CLN6: variants seen among roughly 807,000 people sequenced by gnomAD.
The protein encoded by CLN6 is ceroid-lipofuscinosis neuronal protein 6.
In CLN6, 22 loss-of-function variants were observed where a neutral mutation model predicts 33.3. The ratio of observed to expected loss-of-function variants is 0.66; its 90% CI spans 0.47 to 0.94. CLN6 has a LOEUF of 0.94. Among genes scored for constraint, CLN6 ranks in the 40% least tolerant of loss-of-function variants. CLN6 has a pLI of 0.00. For synonymous variants in CLN6, 201 were observed against 174.6 expected, an observed-to-expected ratio of 1.15 and a Z score of -1.19; for missense variants, 387 against 417.1, an observed-to-expected ratio of 0.93 and a Z score of 0.63.
At chr15:68,245,215 T>G (rs1178823834) in intron 1 of CLN6, among the ~76,000 whole-genome samples, 2 of 151,358 alleles carry the variant, frequency 1.3e-5, no homozygotes, top group African/African-American at 4.9e-5. Flanking sequence ...AGTTATCGGT[T>G]TTTTTGTAAG....
intron 1 of CLN6, 128 bp from the exon 2 acceptor site, chr15:68,218,778 G>C (rs1317488976): frequency 1.4e-6 from 1 of 698,700 alleles, no homozygotes; most frequent in Non-Finnish European, 2.6e-6. Context: ...TGAGTTCTAT[G>C]GATAGGGTTT....
rs879441146 is a variant in CLN6 at position 68,241,515 on chromosome 15, T to C, written c.179+15175A>G. On this transcript the variant is annotated intron_variant, in intron 1 of 6. Coordinates refer to the CLN6 transcript ENST00000538696. The surrounding 1 kb of genome is among the most constrained non-coding windows in gnomAD (Gnocchi z 4.2). ...GGTGGACGACTAGCTTTTCCACCATTGTGGGTTTCCTGGCAGGAGACCTTG... is the reference window on the plus strand; with the variant it reads ...GGTGGACGACTAGCTTTTCCACCATCGTGGGTTTCCTGGCAGGAGACCTTG... Among the ~76,000 whole-genome samples the C allele has an allele frequency of 2.6e-5, 4 of 152,164 alleles. No individual in the cohort carries two copies. The highest frequency in any genetic ancestry group is 4.4e-5 in the Non-Finnish European group (3 of 68,030).
chr15:68,237,573 T>C (rs1320134667), intron 1 of CLN6, among the ~76,000 whole-genome samples: 1 of 152,146 alleles, frequency 6.6e-6, no homozygotes, highest in African/African-American at 2.4e-5. Flanking sequence ...AGTAGTGAAT[T>C]GGTAAACCAA....
intron 1 of CLN6, among the ~76,000 whole-genome samples, chr15:68,238,528 C>G (rs2141161203): frequency 6.6e-6 from 1 of 152,186 alleles, no homozygotes; most frequent in East Asian, 1.9e-4. Flanking sequence ...GAAACAAAAA[C>G]TATATGGTGG....
At chr15:68,255,536 A>G (rs1207083117) in intron 1 of CLN6, among the ~76,000 whole-genome samples, 1 of 152,154 alleles carries the variant, frequency 6.6e-6, no homozygotes, top group Non-Finnish European at 1.5e-5. Flanking sequence ...TTCCCTGTTC[A>G]GAGCATCAGA....
chr15:68,247,081 G>C lies in CLN6; in HGVS notation c.179+9609C>G, dbSNP rs1361809483. On this transcript the variant is annotated intron_variant, in intron 1 of 6. Transcript: ENST00000538696. The surrounding 1 kb of genome is among the most constrained non-coding windows in gnomAD (Gnocchi z 4.2). ...TGAGGCAGGAGAATTGCTTGAAACTGGGAGGTGTTCTAAGCTCTGGAACAA... is the reference window on the plus strand; with the variant it reads ...TGAGGCAGGAGAATTGCTTGAAACTCGGAGGTGTTCTAAGCTCTGGAACAA... Among the ~76,000 whole-genome samples the C allele has an allele frequency of 6.6e-6, 1 of 152,044 alleles. No individual in the cohort carries two copies. The highest frequency in any genetic ancestry group is 2.4e-5 in the African/African-American group (1 of 41,354).
Position 68,218,634 on chromosome 15 carries a change from C to T in CLN6, c.100G>A (p.Ala34Thr), listed in dbSNP as rs146198681. ...GGAGCCGTGCGGGCAGCCTCATCAG[C>T]GCTCACAGAGCCATGCCTGGGAAGG... The part of the protein sequence containing the change: ...FLQARHGSVS[A>T]DEAARTAPFH... Residue 34 changes from alanine to threonine, a missense_variant, in exon 2 of 7, where the codon GCT becomes ACT. By Grantham distance (58) the Ala-to-Thr change is moderately conservative. Coordinates refer to ENST00000249806, the MANE Select transcript of CLN6 (RefSeq NM_017882.3). 408 of 1,613,306 alleles carry T rather than the reference C, an allele frequency of 2.5e-4. 1 individual carries two copies. The highest frequency in any genetic ancestry group is 3.2e-4 in the Non-Finnish European group (383 of 1,179,644).
chr15:68,250,051 G>A (rs965960108), intron 1 of CLN6, among the ~76,000 whole-genome samples: 2 of 152,090 alleles, frequency 1.3e-5, no homozygotes, highest in African/African-American at 4.8e-5. Context: ...GATTAGAGGC[G>A]TGAGTCACTG....
chr15:68,225,810 TA>T (rs1346903641), intron 1 of CLN6, among the ~76,000 whole-genome samples: 1 of 151,590 alleles, frequency 6.6e-6, no homozygotes, highest in African/African-American at 2.4e-5. Flanking sequence ...TCATCTCTAC[TA>T]AAAATACAAA....
Position 68,229,633 on chromosome 15 carries a change from T to C in CLN6, c.-49A>G. Reference sequence around the variant, plus strand: ...CCTGCCTTTCCGAGGAAGAGACCGGTTCAGCTCGGCTGCCCCGGCGGAGGC... The same window carrying C: ...CCTGCCTTTCCGAGGAAGAGACCGGCTCAGCTCGGCTGCCCCGGCGGAGGC... On this transcript the variant is annotated 5_prime_UTR_variant, in exon 1 of 7. Transcript: ENST00000249806. The C allele has an allele frequency of 7.2e-7, 1 of 1,388,214 alleles. No homozygotes were observed. Among genetic ancestry groups the C allele is most frequent in the Non-Finnish European group, 9.4e-7 (1 of 1,061,170 alleles). The allele number at this position is 1,388,214 out of a possible 1,614,324, so 86.0% of individuals were successfully genotyped here.
Position 68,211,166 on chromosome 15 carries a change from G to C in CLN6, c.542+97C>G, listed in dbSNP as rs527625010. On this transcript the variant is annotated intron_variant, in intron 5 of 6. Transcript: ENST00000249806. The surrounding 1 kb of genome is among the most constrained non-coding windows in gnomAD (Gnocchi z 5.9). ...GATGAGACTCAACACATGGAGACCC[G>C]CAGCCCAGACAGCCTTGCTCAGTGT... 12 of 1,035,594 alleles carry C rather than the reference G, an allele frequency of 1.2e-5. No homozygotes were observed. The South Asian group carries it at 1.4e-4, about 12-fold the overall frequency. 64.2% of individuals were successfully genotyped at this position (1,035,594 alleles called of 1,614,324 possible).
intron 1 of CLN6, among the ~76,000 whole-genome samples, chr15:68,253,167 A>G (rs1186011892): frequency 1.3e-5 from 2 of 152,214 alleles, no homozygotes; most frequent in African/African-American, 4.8e-5. Flanking sequence ...GTAAATGGAC[A>G]TGTACCTAAT....
chr15:68,242,070 T>C lies in CLN6; in HGVS notation c.179+14620A>G, dbSNP rs912623062. On this transcript the variant is annotated intron_variant, in intron 1 of 6. Coordinates refer to the CLN6 transcript ENST00000538696. The surrounding 1 kb of genome is among the most constrained non-coding windows in gnomAD (Gnocchi z 5.0). ...AGAAATAACAGGAAACAGGAAACCA[T>C]GGGCACCCCAAACAGACAAAGCATG... is the stretch of plus-strand genomic sequence containing the variant. Among the ~76,000 whole-genome samples the C allele has an allele frequency of 3.9e-5, 6 of 152,030 alleles. No individual in the cohort carries two copies. Among genetic ancestry groups the C allele is most frequent in the Non-Finnish European group, 8.8e-5 (6 of 68,008 alleles).
chr15:68,226,969 T>G lies in CLN6; in HGVS notation c.83+2533A>C, dbSNP rs184565320. ...AAGAGTGGGACAGGGATTACTACTT[T>G]TTAAAACTTGAAGCCTTTGCTATTT... is the stretch of plus-strand genomic sequence containing the variant. On this transcript the variant is annotated intron_variant, in intron 1 of 6. Coordinates refer to ENST00000249806, the MANE Select transcript of CLN6 (RefSeq NM_017882.3). Among the ~76,000 whole-genome samples the G allele has an allele frequency of 1.9e-3, 289 of 152,330 alleles. 1 individual carries two copies. The highest frequency in any genetic ancestry group is 6.7e-3 in the African/African-American group (280 of 41,580).
At chr15:68,221,088 T>G (rs1368107977) in intron 1 of CLN6, among the ~76,000 whole-genome samples, 1 of 151,894 alleles carries the variant, frequency 6.6e-6, no homozygotes, top group African/African-American at 2.4e-5. Flanking sequence ...CTGGGCTCAA[T>G]AATCAACCCA....
chr15:68,235,725 A>G (rs1892214729), intron 1 of CLN6, among the ~76,000 whole-genome samples: 1 of 151,954 alleles, frequency 6.6e-6, no homozygotes, highest in Non-Finnish European at 1.5e-5. Context: ...GTATTTGTCA[A>G]CACCCTGGCA....
rs1331490176 is a variant in CLN6, at chr15:68,242,073, GC to G, written c.179+14616del. On this transcript the variant is annotated intron_variant, in intron 1 of 6. Transcript: ENST00000538696. This position sits in a 1 kb window ranked among gnomAD's most constrained non-coding sequence, Gnocchi z 5.0. ...AATAACAGGAAACAGGAAACCATGG[GC>G]ACCCCAAACAGACAAAGCATGGAAC... Among the ~76,000 whole-genome samples the G allele has an allele frequency of 2.0e-5, 3 of 152,044 alleles. No individual in the cohort carries two copies. Among genetic ancestry groups the G allele is most frequent in the African/African-American group, 7.2e-5 (3 of 41,398 alleles).
rs542544087 is a variant in CLN6 at position 68,211,658 on chromosome 15, G to T, written c.486+17C>A. The T allele has an allele frequency of 1.2e-6, 2 of 1,612,902 alleles. No homozygotes were observed. ...TGCTCCTAGGGCTTACAGGCAGGGA[G>T]CAGGAGGTGGCCTCACCAGCGTCTC... On this transcript the variant is annotated intron_variant, in intron 4 of 6. Transcript: ENST00000249806. This position sits in a 1 kb window ranked among gnomAD's most constrained non-coding sequence, Gnocchi z 5.9.
chr15:68,231,153 A>G (rs1160340937), upstream of CLN6, among the ~76,000 whole-genome samples: 1 of 152,006 alleles, frequency 6.6e-6, no homozygotes, highest in African/African-American at 2.4e-5. Flanking sequence ...TTTGGTCAGA[A>G]CCTGCATGTC....
Sources: allele counts gnomAD v4.1 joint callset (sites outside exome capture counted in the v4.1 genomes callset), GRCh38; gene constraint gnomAD v4.1.1; non-coding constraint Gnocchi (gnomAD v3.1); transcripts MANE v1.5; gene names NCBI Gene and HGNC (gene_info 2026-07-23, HGNC 2026-07-21).